Variants in PAK6 observed in about 807,000 individuals in gnomAD.
PAK6 encodes serine/threonine-protein kinase PAK 6.
A neutral mutation model predicts 60.8 loss-of-function variants in PAK6; 33 were observed. The ratio of observed to expected loss-of-function variants is 0.54; its 90% CI spans 0.41 to 0.73. The LOEUF (loss-of-function observed/expected upper bound fraction) is 0.73, where lower values mean the gene tolerates loss of function less well. Among genes scored for constraint, PAK6 ranks in the 30% least tolerant of loss-of-function variants. PAK6 has a pLI of 0.00. For synonymous variants in PAK6, 404 were observed against 378.5 expected (o/e 1.07, Z -0.78); for missense variants, 845 against 904.1 (o/e 0.93, Z 0.84).
At chr15:40,240,562 CTTTT>C (rs10624794) in intron 1 of PAK6, 33 bp from the exon 2 acceptor site, 58 of 321,474 alleles carry the variant, frequency 1.8e-4, no homozygotes, top group African/African-American at 6.8e-4. Context: ...TTTTCTTTTC[CTTTT>C]TTTTTTTTTT....
At chr15:40,262,995 T>G (rs1272484974) in intron 3 of PAK6, among the ~76,000 whole-genome samples, 1 of 152,142 alleles carries the variant, frequency 6.6e-6, no homozygotes, top group African/African-American at 2.4e-5. Flanking sequence ...CTAGGGGGTG[T>G]TCGGTGGATC....
At chr15:40,253,928 G>A (rs2038764098) in intron 3 of PAK6, among the ~76,000 whole-genome samples, 1 of 152,162 alleles carries the variant, frequency 6.6e-6, no homozygotes, top group African/African-American at 2.4e-5. Flanking sequence ...TGGGTGAAGG[G>A]GGCAGAGGGG....
Position 40,257,877 on chromosome 15 carries a change from C to T in PAK6, c.-6+4588C>T, listed in dbSNP as rs369932738. On this transcript the variant is annotated intron_variant, in intron 3 of 10. Transcript: ENST00000560346. ...CCTCAGTGCCATGCTCTGGGAATCC[C>T]CTTGTCTCTGTGGAACAGTAGCATC... is the stretch of plus-strand genomic sequence containing the variant. Among the ~76,000 whole-genome samples, 68 of 152,280 alleles carry T rather than the reference C, an allele frequency of 4.5e-4. 1 individual carries two copies. The South Asian group carries it at 0.014, about 31-fold the overall frequency.
At chr15:40,253,542 C>G (rs571191888) in intron 3 of PAK6, among the ~76,000 whole-genome samples, 1 of 152,274 alleles carries the variant, frequency 6.6e-6, no homozygotes, top group Non-Finnish European at 1.5e-5. Context: ...CCCGCCCTGC[C>G]CCCGGGCCCA....
At chr15:40,247,761 G>A (rs1015689574) in intron 2 of PAK6, among the ~76,000 whole-genome samples, 2 of 152,168 alleles carry the variant, frequency 1.3e-5, no homozygotes, top group African/African-American at 4.8e-5. Context: ...ACCCCCTGGC[G>A]CTGGGCTCTC....
At chr15:40,239,506 A>G (rs1566839043) in exon 1 of PAK6, 1 of 152,392 alleles carries the variant, frequency 6.6e-6, no homozygotes, top group Non-Finnish European at 1.5e-5. Flanking sequence ...GGAAGATGGG[A>G]CTTGCTGTGA....
At chr15:40,240,533 G>C (rs2038293997) in intron 1 of PAK6, 66 bp from the exon 2 acceptor site, 1 of 411,420 alleles carries the variant, frequency 2.4e-6, no homozygotes, top group Non-Finnish European at 4.7e-6. Flanking sequence ...GAAGAGGCTG[G>C]GTGAGAAAAG....
chr15:40,269,492 A>AT (rs2039242348), intron 5 of PAK6, among the ~76,000 whole-genome samples: 1 of 152,226 alleles, frequency 6.6e-6, no homozygotes, highest in Non-Finnish European at 1.5e-5. Flanking sequence ...GGTCTATCAC[A>AT]TGAGTAACTT....
chr15:40,265,643 C>A (rs1445376539), intron 4 of PAK6, among the ~76,000 whole-genome samples, 199 bp from the exon 5 acceptor site: 1 of 152,218 alleles, frequency 6.6e-6, no homozygotes, highest in African/African-American at 2.4e-5. Flanking sequence ...TCCCCGCATC[C>A]CTGCATCCAG....
intron 2 of PAK6, chr15:40,252,698 T>A: frequency 7.7e-7 from 1 of 1,306,650 alleles, no homozygotes. Flanking sequence ...GCAGGTGGGT[T>A]CCCCGGCTGC....
chr15:40,242,023 G>A (rs1414915338), intron 2 of PAK6, among the ~76,000 whole-genome samples: 1 of 139,764 alleles, frequency 7.2e-6, no homozygotes, highest in East Asian at 2.0e-4. Flanking sequence ...AGGGGCTGCT[G>A]CCCAGTTGGG....
At chr15:40,251,120 A>G (rs79045698) in intron 2 of PAK6, 1 of 152,672 alleles carries the variant, frequency 6.5e-6, no homozygotes, top group East Asian at 1.9e-4. Context: ...AAGAGAAAGA[A>G]TCCGCGTGGG....
exon 4 of PAK6, chr15:40,264,935 C>G (rs199695379): frequency 3.5e-5 from 57 of 1,613,664 alleles, no homozygotes; most frequent in Non-Finnish European, 4.4e-5. Flanking sequence ...TGCGGCGCCC[C>G]AAGCCCGTGG....
exon 6 of PAK6, chr15:40,272,469 G>A: frequency 6.2e-7 from 1 of 1,613,796 alleles, no homozygotes; most frequent in Non-Finnish European, 8.5e-7. Context: ...ACCTGCCCCA[G>A]GACCCCACGG....
intron 2 of PAK6, among the ~76,000 whole-genome samples, chr15:40,244,403 A>T (rs983923649): frequency 5.9e-5 from 8 of 136,604 alleles, no homozygotes; most frequent in African/African-American, 1.6e-4. Flanking sequence ...TTTTCTTTTT[A>T]TTTTTTTTTT....
chr15:40,253,065 G>A (rs2038732039), intron 2 of PAK6, 113 bp from the exon 3 acceptor site: 3 of 395,180 alleles, frequency 7.6e-6, no homozygotes, highest in Admixed American at 2.9e-5. Flanking sequence ...CAGGAGTTCA[G>A]TCGGGAGGCG....
intron 5 of PAK6, among the ~76,000 whole-genome samples, chr15:40,270,903 G>A (rs1423871646): frequency 6.6e-6 from 1 of 152,212 alleles, no homozygotes; most frequent in Non-Finnish European, 1.5e-5. Context: ...GGGGGTCGGG[G>A]AAGGAAGGGA....
chr15:40,258,250 C>T (rs1305987293), intron 3 of PAK6, among the ~76,000 whole-genome samples: 1 of 152,242 alleles, frequency 6.6e-6, no homozygotes, highest in Non-Finnish European at 1.5e-5. Context: ...CCCTGTCCTA[C>T]ATACCTCACG....
chr15:40,266,000 C>A, exon 5 of PAK6: 1 of 1,601,338 alleles, frequency 6.2e-7, no homozygotes, highest in Non-Finnish European at 8.5e-7. Context: ...GGGATGAGCA[C>A]TGGGCCACCG....
Sources: allele counts gnomAD v4.1 joint callset (sites outside exome capture counted in the v4.1 genomes callset), GRCh38; gene constraint gnomAD v4.1.1; transcripts MANE v1.5; gene names NCBI Gene and HGNC (gene_info 2026-07-23, HGNC 2026-07-21).